PABIR3: variants seen among roughly 807,000 people sequenced by gnomAD.
PABIR3 encodes PABIR family member 3.
Under a neutral mutation model 23.1 loss-of-function variants are expected in PABIR3, and 20 were observed. The observed-to-expected ratio is 0.86, with a 90% CI of 0.61 to 1.26. The LOEUF is 1.26. Ranked by LOEUF, PABIR3 falls within the 50% of genes most tolerant of loss-of-function variation. The pLI, the probability that PABIR3 is intolerant of heterozygous loss-of-function variation, is 0.00. For missense variants in PABIR3, 189 were observed against 195.4 expected, an observed-to-expected ratio of 0.97 and a Z score of 0.20; for synonymous variants, 69 against 68.5, an observed-to-expected ratio of 1.01 and a Z score of -0.04.
At chrX:134,849,887 T>TTTTTTTTTTTTC (rs1556344204) in intron 9 of PABIR3, among the ~76,000 whole-genome samples, 4 of 90,295 alleles carry the variant, frequency 4.4e-5, no homozygotes, top group African/African-American at 1.7e-4. Flanking sequence ...TTTTTTTTTT[T>TTTTTTTTTTTTC]CTTGAGACAG....
chrX:134,802,923 G>C (rs935857580), upstream of PABIR3, among the ~76,000 whole-genome samples: 5 of 112,531 alleles, frequency 4.4e-5, no homozygotes, highest in Non-Finnish European at 9.4e-5. Context: ...GGACCTTCTG[G>C]TTCCCTGGGG....
chrX:134,825,176 G>A (rs2081451904), intron 3 of PABIR3, among the ~76,000 whole-genome samples: 1 of 112,250 alleles, frequency 8.9e-6, no homozygotes, highest in Middle Eastern at 4.6e-3. Context: ...ATAAATAAAT[G>A]AAAGTTCAAA....
At chrX:134,840,355 T>TA (rs374766306) in intron 4 of PABIR3, among the ~76,000 whole-genome samples, 105 of 95,876 alleles carry the variant, frequency 1.1e-3, no homozygotes, top group East Asian at 1.3e-3. Flanking sequence ...GAATGATCAA[T>TA]AAAAAAAAAA....
intron 2 of PABIR3, chrX:134,810,103 A>C (rs903549723): frequency 1.3e-6 from 1 of 752,282 alleles, no homozygotes; most frequent in Non-Finnish European, 1.6e-6. Flanking sequence ...ATTGAAGACA[A>C]TATAAAAAGA....
At chrX:134,844,882 T>C (rs2082381171) in intron 4 of PABIR3, among the ~76,000 whole-genome samples, 1 of 112,428 alleles carries the variant, frequency 8.9e-6, no homozygotes, top group African/African-American at 3.2e-5. Flanking sequence ...TCTGTCCTAG[T>C]AGACCTTTAA....
intron 3 of PABIR3, among the ~76,000 whole-genome samples, chrX:134,817,447 C>T (rs2081046055): frequency 9.6e-6 from 1 of 104,160 alleles, no homozygotes; most frequent in Non-Finnish European, 2.0e-5. Context: ...TGGTTTAGGA[C>T]CCACTATGTA....
intron 7 of PABIR3, 77 bp from the exon 8 acceptor site, chrX:134,847,806 C>T (rs909721385): frequency 1.3e-4 from 109 of 824,827 alleles, no homozygotes; most frequent in Admixed American, 4.5e-4. Context: ...ACCATCCCTG[C>T]CCCTCCCTAG....
chrX:134,810,741 C>G (rs1008018798), intron 2 of PABIR3: 2 of 750,812 alleles, frequency 2.7e-6, no homozygotes, highest in Admixed American at 9.0e-5. Context: ...AGTACTTCCT[C>G]TTTCTAAACT....
At position 134,847,925 on chromosome X, in the gene PABIR3, G is replaced by T; in HGVS notation, c.481G>T (p.Gly161Cys). The change falls in exon 8 of 11, where the codon GGT becomes TGT. Residue 161 changes from glycine to cysteine, a missense_variant. By Grantham distance (159) the Gly-to-Cys change is radical (BLOSUM62 -3). Coordinates refer to ENST00000645433, the MANE Select transcript of PABIR3 (RefSeq NM_001388447.1). Reference sequence around the variant, plus strand: ...ATTACAAACTTGTGTGAGTTGCACTGGTTCGCCTTCAAGTCCTATTCCCAG... The same window carrying T: ...ATTACAAACTTGTGTGAGTTGCACTTGTTCGCCTTCAAGTCCTATTCCCAG... ...PSLQTCVSCT[G>C]SPSSPIPSPM... 8.7e-7 allele frequency: 1 copy of T among 1,155,108 alleles called. No homozygotes were observed. Among genetic ancestry groups the T allele is most frequent in the Non-Finnish European group, 1.1e-6 (1 of 872,596 alleles).
intron 9 of PABIR3, among the ~76,000 whole-genome samples, chrX:134,852,312 T>C (rs1361621280): frequency 9.1e-6 from 1 of 110,430 alleles, no homozygotes; most frequent in Non-Finnish European, 1.9e-5. Flanking sequence ...CCGTCTCTAC[T>C]AAAAATATAA....
chrX:134,806,778 CTTT>C (rs755771740), upstream of PABIR3, among the ~76,000 whole-genome samples: 11 of 82,604 alleles, frequency 1.3e-4, no homozygotes, highest in African/African-American at 4.0e-4. Flanking sequence ...GTAGCAGTAT[CTTT>C]TTTTTTTTTT....
chrX:134,821,692 C>T, intron 3 of PABIR3: 2 of 1,024,622 alleles, frequency 2.0e-6, no homozygotes, highest in Non-Finnish European at 2.5e-6. Context: ...AGTGTATGGC[C>T]CACAAAGTTG....
At chrX:134,800,015 G>A (rs1603110746) in intron 1 of PABIR3, 1 of 109,238 alleles carries the variant, frequency 9.2e-6, no homozygotes, top group South Asian at 4.0e-4. Flanking sequence ...CTTACCGGCC[G>A]GATGCAGTGG....
intron 9 of PABIR3, among the ~76,000 whole-genome samples, chrX:134,852,382 C>T (rs1369187194): frequency 9.0e-6 from 1 of 110,604 alleles, no homozygotes; most frequent in South Asian, 3.8e-4. Flanking sequence ...GGCTGAAGCA[C>T]GAGAATTGCT....
At position 134,829,287 on chromosome X, in the gene PABIR3, G is replaced by A. The variant is rs1456509557; in HGVS notation, c.246+5G>A. The A allele has an allele frequency of 5.0e-6, 6 of 1,192,742 alleles. No individual in the cohort carries two copies. The African/African-American group carries it at 1.1e-4, about 21-fold the overall frequency. ...CGCCTTCATCAAATCAAACAGGTAA[G>A]AAGACTTTCCAAACTGACAGCTGTT... On this transcript the variant is annotated splice_donor_5th_base_variant and intron_variant, in intron 4 of 10. Transcript: ENST00000645433.
intron 4 of PABIR3, among the ~76,000 whole-genome samples, chrX:134,836,856 T>C (rs2081990672): frequency 9.0e-6 from 1 of 111,054 alleles, no homozygotes; most frequent in Non-Finnish European, 1.9e-5. Context: ...ATATGAGTCA[T>C]TGGCACCCAG....
chrX:134,799,579 G>A (rs1396108963), intron 1 of PABIR3, among the ~76,000 whole-genome samples: 1 of 112,169 alleles, frequency 8.9e-6, no homozygotes, highest in Non-Finnish European at 1.9e-5. Flanking sequence ...TGGACTTTCT[G>A]ACTTGGACAT....
chrX:134,846,335 A>C lies in PABIR3; in HGVS notation c.345+934A>C, dbSNP rs764993748. On this transcript the variant is annotated intron_variant, in intron 6 of 10. Coordinates refer to ENST00000645433, the MANE Select transcript of PABIR3 (RefSeq NM_001388447.1). ...ATTTGAGTGGGGACACAGCCACACC[A>C]TTATCAGCCTGTAACACATTCTCCC... is the stretch of plus-strand genomic sequence containing the variant. Among the ~76,000 whole-genome samples, 4 of 112,137 alleles carry C rather than the reference A, an allele frequency of 3.6e-5. No individual in the cohort carries two copies. The South Asian group carries it at 1.5e-3, about 42-fold the overall frequency.
intron 1 of PABIR3, chrX:134,799,971 C>A (rs1316959190): frequency 9.5e-6 from 1 of 105,359 alleles, no homozygotes; most frequent in Admixed American, 1.0e-4. Flanking sequence ...AAAAAAAAAT[C>A]CTTTCTCATA....
Sources: gnomAD v4.1 joint callset for allele counts (sites outside exome capture counted in the v4.1 genomes callset) on GRCh38, gnomAD v4.1.1 for gene constraint, MANE v1.5 for transcripts, NCBI Gene and HGNC (gene_info 2026-07-23, HGNC 2026-07-21) for gene names.